Variants in CADM2 observed in about 807,000 individuals in gnomAD.
CADM2 encodes cell adhesion molecule 2.
Under a neutral mutation model 49.8 loss-of-function variants are expected in CADM2, and 12 were observed. That is an observed-to-expected ratio of 0.24 (90% CI 0.15 to 0.39). CADM2 has a LOEUF of 0.39. Among genes scored for constraint, CADM2 ranks in the 10% least tolerant of loss-of-function variants. CADM2 has a pLI of 1.00. For synonymous variants in CADM2, 214 were observed against 175.4 expected (o/e 1.22, Z -1.74); for missense variants, 378 against 492.3 (o/e 0.77, Z 2.20).
intron 8 of CADM2, chr3:86,012,634 G>A: frequency 3.2e-6 from 5 of 1,556,388 alleles, no homozygotes; most frequent in Non-Finnish European, 4.4e-6. Context: ...TCAGGTTCCC[G>A]CGGGACCCGG....
intron 1 of CADM2, among the ~76,000 whole-genome samples, chr3:85,261,010 A>G (rs574598566): frequency 9.9e-5 from 15 of 152,190 alleles, no homozygotes; most frequent in Non-Finnish European, 1.6e-4. Context: ...TTCATTTTTG[A>G]TGAAGAAAAA....
chr3:85,807,829 A>AT (rs2072549157), intron 3 of CADM2, among the ~76,000 whole-genome samples: 1 of 151,996 alleles, frequency 6.6e-6, no homozygotes, highest in Admixed American at 6.6e-5. Context: ...AGAATATGTT[A>AT]TTTTTAACTG....
At chr3:85,774,901 A>C (rs910751634) in intron 2 of CADM2, among the ~76,000 whole-genome samples, 1 of 151,778 alleles carries the variant, frequency 6.6e-6, no homozygotes, top group Non-Finnish European at 1.5e-5. Flanking sequence ...TTAAATTTTC[A>C]TGATACACAT....
At chr3:85,159,630 A>G (rs1307597708) in intron 1 of CADM2, among the ~76,000 whole-genome samples, 1 of 152,198 alleles carries the variant, frequency 6.6e-6, no homozygotes, top group Non-Finnish European at 1.5e-5. Context: ...CTAGGGCAAT[A>G]GGTGAACATC....
At chr3:85,130,785 T>C (rs999019202) in intron 1 of CADM2, among the ~76,000 whole-genome samples, 2 of 152,236 alleles carry the variant, frequency 1.3e-5, no homozygotes, top group Non-Finnish European at 2.9e-5. Flanking sequence ...CATTTTTATG[T>C]AACTTTTCAG....
chr3:85,671,754 A>C, intron 1 of CADM2, among the ~76,000 whole-genome samples: 1 of 152,056 alleles, frequency 6.6e-6, no homozygotes, highest in Admixed American at 6.5e-5. Context: ...GCTGAATCTC[A>C]ATTTATGCAC....
At chr3:85,518,256 G>T (rs553199592) in intron 1 of CADM2, among the ~76,000 whole-genome samples, 1 of 152,150 alleles carries the variant, frequency 6.6e-6, no homozygotes, top group African/African-American at 2.4e-5. Flanking sequence ...CTCCCAAAGT[G>T]CTCGGATTAC....
At chr3:85,242,595 TA>T (rs1559739193) in intron 1 of CADM2, among the ~76,000 whole-genome samples, 1 of 151,820 alleles carries the variant, frequency 6.6e-6, no homozygotes, top group African/African-American at 2.4e-5. Context: ...TTTGGCTTTT[TA>T]ATCCTCTGAA....
intron 2 of CADM2, among the ~76,000 whole-genome samples, chr3:85,763,622 C>G (rs1020137578): frequency 6.6e-6 from 1 of 152,132 alleles, no homozygotes; most frequent in African/African-American, 2.4e-5. Flanking sequence ...TCATTTTGAC[C>G]ACTGCACAAC....
intron 1 of CADM2, among the ~76,000 whole-genome samples, chr3:85,178,729 G>A (rs1375097746): frequency 1.3e-5 from 2 of 151,546 alleles, no homozygotes; most frequent in African/African-American, 2.4e-5. Context: ...TATTTACGTC[G>A]ATCCTATTTG....
chr3:85,218,493 C>T (rs540824545), intron 1 of CADM2, among the ~76,000 whole-genome samples: 5 of 152,134 alleles, frequency 3.3e-5, no homozygotes, highest in Admixed American at 6.5e-5. Flanking sequence ...ATATCATAAA[C>T]GAGGTAGCTG....
At chr3:85,201,518 T>G (rs2041499600) in intron 1 of CADM2, among the ~76,000 whole-genome samples, 1 of 152,182 alleles carries the variant, frequency 6.6e-6, no homozygotes, top group South Asian at 2.1e-4. Flanking sequence ...GACAATTTCT[T>G]AAAATAATGC....
At chr3:86,047,959 G>A (rs1736865961) in intron 8 of CADM2, among the ~76,000 whole-genome samples, 1 of 152,106 alleles carries the variant, frequency 6.6e-6, no homozygotes, top group South Asian at 2.1e-4. Flanking sequence ...ATGTGAGTTA[G>A]CAAAACTTTA....
At chr3:85,768,272 C>A (rs1460349622) in intron 2 of CADM2, among the ~76,000 whole-genome samples, 2 of 151,780 alleles carry the variant, frequency 1.3e-5, no homozygotes, top group Non-Finnish European at 2.9e-5. Context: ...CACAGTGAAA[C>A]CCCATCTCTA....
chr3:85,263,183 G>A (rs891890864), intron 1 of CADM2, among the ~76,000 whole-genome samples: 2 of 151,806 alleles, frequency 1.3e-5, no homozygotes, highest in African/African-American at 4.8e-5. Flanking sequence ...TAGTAGAGAT[G>A]GGGTTTCACC....
rs112068937 is a variant in CADM2, at chr3:85,065,188, T to C, written c.61+105520T>C. ...TAATCTGAAATAACTTCATCTGATA[T>C]TTCTGTTTGAATATTTTGCATTTAG... On this transcript the variant is annotated intron_variant, in intron 1 of 9. Coordinates refer to ENST00000383699, the MANE Select transcript of CADM2 (RefSeq NM_001167675.2). Among the ~76,000 whole-genome samples the C allele has an allele frequency of 4.3e-3, 657 of 152,244 alleles. 1 individual carries two copies. The highest frequency in any genetic ancestry group is 9.9e-3 in the Admixed American group (151 of 15,270).
chr3:85,762,309 G>C (rs1008308896), intron 2 of CADM2, among the ~76,000 whole-genome samples: 9 of 151,852 alleles, frequency 5.9e-5, no homozygotes, highest in Admixed American at 5.3e-4. Flanking sequence ...TATTTCTTTT[G>C]GCATAACTCC....
chr3:85,309,345 C>G (rs1271278877), intron 1 of CADM2, among the ~76,000 whole-genome samples: 1 of 152,134 alleles, frequency 6.6e-6, no homozygotes, highest in East Asian at 1.9e-4. Flanking sequence ...AGTAGTGCCA[C>G]TGGGATCCGG....
intron 1 of CADM2, among the ~76,000 whole-genome samples, chr3:85,584,361 T>C (rs2062878443): frequency 1.3e-5 from 2 of 152,066 alleles, no homozygotes; most frequent in Admixed American, 6.6e-5. Flanking sequence ...GGTTCATTTT[T>C]ATACTAAGAT....
Sources: allele counts gnomAD v4.1 joint callset (sites outside exome capture counted in the v4.1 genomes callset), GRCh38; gene constraint gnomAD v4.1.1; transcripts MANE v1.5; gene names NCBI Gene and HGNC (gene_info 2026-07-23, HGNC 2026-07-21).